The following MTMR10 variants were observed in gnomAD, a reference collection of about 807,000 sequenced individuals.
The protein encoded by MTMR10 is myotubularin related protein 10, also known as myotubularin-related protein 10.
A neutral mutation model predicts 88.1 loss-of-function variants in MTMR10; 56 were observed. That is an observed-to-expected ratio of 0.64 (90% CI 0.51 to 0.79). The LOEUF (loss-of-function observed/expected upper bound fraction) is 0.79. Ranked by LOEUF, MTMR10 falls within the 30% of genes least tolerant of loss-of-function variation. The probability of loss-of-function intolerance (pLI) is 0.00; values close to 1 mark genes in which losing one functional copy is unlikely to be tolerated. For synonymous variants in MTMR10, 380 were observed against 340.9 expected (o/e 1.11, Z -1.26); for missense variants, 883 against 924.7 (o/e 0.95, Z 0.58).
intron 2 of MTMR10, among the ~76,000 whole-genome samples, chr15:30,984,657 A>G (rs1194349272): frequency 1.3e-5 from 2 of 152,186 alleles, no homozygotes; most frequent in African/African-American, 4.8e-5. Context: ...CATTTCCCAG[A>G]TGGCCCATGG....
In MTMR10 at chr15:30,959,021, A is replaced by G; in HGVS notation, c.846+13T>C. 6.2e-7 allele frequency: 1 copy of G among 1,613,788 alleles called. No homozygotes were observed. The highest frequency in any genetic ancestry group is 8.5e-7 in the Non-Finnish European group (1 of 1,179,698). On this transcript the variant is annotated intron_variant, in intron 8 of 15. Coordinates refer to ENST00000435680, the MANE Select transcript of MTMR10 (RefSeq NM_017762.3). ...GACGTCAGCATTCATAAAATCCAAC[A>G]GAAATCACTTACTGGCATCCTTCTC...
At chr15:30,944,713 T>C (rs544330111) in intron 14 of MTMR10, among the ~76,000 whole-genome samples, 30 of 152,040 alleles carry the variant, frequency 2.0e-4, no homozygotes, top group East Asian at 7.7e-4. Flanking sequence ...AGTAAGTATA[T>C]AGAAAATGTC....
the MTMR10 span, chr15:30,930,521 CTG>C: frequency 8.9e-6 from 14 of 1,570,288 alleles, no homozygotes; most frequent in Non-Finnish European, 1.1e-5. Flanking sequence ...AAGTGGCTAA[CTG>C]TCCTGTGTTT....
intron 6 of MTMR10, among the ~76,000 whole-genome samples, chr15:30,965,043 A>G (rs1207300015): frequency 6.6e-6 from 1 of 152,344 alleles, no homozygotes; most frequent in South Asian, 2.1e-4. Context: ...GCATGAGTCA[A>G]CAAAGTGGTT....
the MTMR10 span, among the ~76,000 whole-genome samples, chr15:30,919,718 TAAGG>T: frequency 0.027 from 4,077 of 149,492 alleles, 138 homozygotes; most frequent in African/African-American, 0.083. Flanking sequence ...AAGAAAATCA[TAAGG>T]AAGAGAAAAC....
At chr15:30,954,551 C>A (rs2063295430) in intron 10 of MTMR10, among the ~76,000 whole-genome samples, 1 of 151,918 alleles carries the variant, frequency 6.6e-6, no homozygotes, top group African/African-American at 2.4e-5. Flanking sequence ...TTAATACACT[C>A]ATTTTTCCCC....
chr15:30,954,780 T>C lies in MTMR10; in HGVS notation c.1049A>G (p.Lys350Arg). ...QEVQAAFVKLKQLCVNEPFEE... is the reference protein window; with the variant it reads ...QEVQAAFVKLRQLCVNEPFEE... Reference sequence around the variant, plus strand: ...GAAATTACCATTAACGCATAGCTGCTTCAGTTTTACAAATGCTGCCTGTAC... The same window carrying C: ...GAAATTACCATTAACGCATAGCTGCCTCAGTTTTACAAATGCTGCCTGTAC... The change falls in exon 10 of 16, where the codon AAG (lysine) becomes AGG (arginine). Residue 350 changes from lysine (K) to arginine (R), a missense_variant. Physicochemically the swap from Lys to Arg is conservative, Grantham distance 26. Transcript: ENST00000435680. 1 of 1,602,214 alleles carries C rather than the reference T, an allele frequency of 6.2e-7. No homozygotes were observed. Among genetic ancestry groups the C allele is most frequent in the Non-Finnish European group, 8.5e-7 (1 of 1,174,772 alleles).
intron 3 of MTMR10, among the ~76,000 whole-genome samples, chr15:30,976,339 G>C (rs1317098700): frequency 1.3e-5 from 2 of 152,092 alleles, no homozygotes; most frequent in Non-Finnish European, 2.9e-5. Flanking sequence ...GAAGCAGACA[G>C]AGGTTGCAGT....
At chr15:30,982,893 A>C (rs1382811232) in intron 2 of MTMR10, among the ~76,000 whole-genome samples, 1 of 152,210 alleles carries the variant, frequency 6.6e-6, no homozygotes, top group Admixed American at 6.5e-5. Context: ...GGGCCAGAAA[A>C]CTAGCTTATA....
At chr15:30,969,318 A>G (rs1293314986) in intron 5 of MTMR10, among the ~76,000 whole-genome samples, 7 of 152,094 alleles carry the variant, frequency 4.6e-5, no homozygotes, top group African/African-American at 1.4e-4. Flanking sequence ...CTCAATACCT[A>G]TAGGAGAGCT....
Position 30,953,639 on chromosome 15 carries a change from A to G in MTMR10, c.1067-8T>C. The stretch of plus-strand genomic sequence containing the variant: ...CAGTTTCTTCAAAAGGCTCTGTAAT[A>G]AATTATATACATACACATTTTTACT... On this transcript the variant is annotated splice_polypyrimidine_tract_variant and splice_region_variant and intron_variant, in intron 10 of 15. Coordinates refer to ENST00000435680, the MANE Select transcript of MTMR10 (RefSeq NM_017762.3). 6.6e-7 allele frequency: 1 copy of G among 1,504,554 alleles called. No individual in the cohort carries two copies. Among genetic ancestry groups the G allele is most frequent in the African/African-American group, 1.4e-5 (1 of 71,934 alleles). The allele number at this position is 1,504,554 out of a possible 1,614,324, so 93.2% of individuals were successfully genotyped here. A position where few individuals can be genotyped will look rare whatever the true frequency, so the allele number is the denominator to read the frequency against.
intron 1 of MTMR10, among the ~76,000 whole-genome samples, 167 bp from the exon 2 acceptor site, chr15:30,991,004 G>A (rs944150544): frequency 1.3e-5 from 2 of 152,028 alleles, no homozygotes; most frequent in South Asian, 2.1e-4. Flanking sequence ...GCTCATTATC[G>A]ACTTGGAAGC....
intron 3 of MTMR10, among the ~76,000 whole-genome samples, chr15:30,976,293 T>G (rs1433267955): frequency 6.6e-6 from 1 of 151,782 alleles, no homozygotes; most frequent in East Asian, 1.9e-4. Flanking sequence ...TCCCAGCTAC[T>G]CAGGAGGCTG....
intron 6 of MTMR10, among the ~76,000 whole-genome samples, chr15:30,965,082 G>C (rs879356554): frequency 7.2e-5 from 11 of 152,196 alleles, no homozygotes; most frequent in Non-Finnish European, 1.2e-4. Flanking sequence ...ACCTGTGCTG[G>C]AGCCAACATG....
At chr15:30,937,141 A>G (rs759569636), downstream of MTMR10, 62 of 1,613,428 alleles carry the variant, frequency 3.8e-5, no homozygotes, top group Admixed American at 8.4e-5. Context: ...AAAGGCCCCA[A>G]TGATCGTCTT....
the MTMR10 span, chr15:30,929,168 G>C: frequency 6.3e-7 from 1 of 1,594,568 alleles, no homozygotes; most frequent in Non-Finnish European, 8.6e-7. Flanking sequence ...CTCTCTGCAG[G>C]CACAGTATGA....
intron 3 of MTMR10, among the ~76,000 whole-genome samples, chr15:30,975,555 G>T (rs187032294): frequency 1.0e-3 from 159 of 152,252 alleles, no homozygotes; most frequent in Non-Finnish European, 1.9e-4. Flanking sequence ...AGTGAAGTCT[G>T]GGGCCAATGA....
chr15:30,980,076 GC>G (rs1229772175), intron 2 of MTMR10, among the ~76,000 whole-genome samples: 4 of 152,218 alleles, frequency 2.6e-5, no homozygotes, highest in African/African-American at 9.6e-5. Context: ...AGTTACTGAA[GC>G]GACAACTCTT....
At chr15:30,955,402 T>C (rs528414411) in intron 9 of MTMR10, among the ~76,000 whole-genome samples, 33 of 152,136 alleles carry the variant, frequency 2.2e-4, no homozygotes, top group Non-Finnish European at 4.0e-4. Flanking sequence ...TCCCGAGTAG[T>C]TGGGATTACA....
Sources: gnomAD v4.1 joint callset for allele counts (sites outside exome capture counted in the v4.1 genomes callset) on GRCh38, gnomAD v4.1.1 for gene constraint, MANE v1.5 for transcripts, NCBI Gene and HGNC (gene_info 2026-07-23, HGNC 2026-07-21) for gene names.